FER1L6: variants seen among roughly 807,000 people sequenced by gnomAD.
FER1L6 encodes fer-1-like protein 6.
Under a neutral mutation model 219.2 loss-of-function variants are expected in FER1L6, and 177 were observed. The observed-to-expected ratio is 0.81, with a 90% confidence interval of 0.71 to 0.91. The LOEUF (loss-of-function observed/expected upper bound fraction) is 0.91. Among genes scored for constraint, FER1L6 ranks in the 40% least tolerant of loss-of-function variants. The pLI is 0.00. For synonymous variants in FER1L6, 768 were observed against 824.3 expected (o/e 0.93, Z 1.17); for missense variants, 2,153 against 2,259.9 (o/e 0.95, Z 0.96).
chr8:124,103,472 G>A (rs1008425888), intron 39 of FER1L6, among the ~76,000 whole-genome samples, 163 bp downstream of exon 39: 1 of 152,160 alleles, frequency 6.6e-6, no homozygotes, highest in African/African-American at 2.4e-5. Context: ...CTTTATAAAT[G>A]CAAGAAGACT....
At chr8:124,009,594 C>G (rs577398892) in intron 13 of FER1L6, among the ~76,000 whole-genome samples, 3 of 151,596 alleles carry the variant, frequency 2.0e-5, no homozygotes, top group African/African-American at 7.3e-5. Flanking sequence ...AACAGAAGAG[C>G]CACACAGGAG....
At chr8:123,906,286 G>A (rs1221551650) in intron 1 of FER1L6, among the ~76,000 whole-genome samples, 2 of 152,182 alleles carry the variant, frequency 1.3e-5, no homozygotes, top group Non-Finnish European at 2.9e-5. Flanking sequence ...GGGGTATGGT[G>A]TAGTAAGAAG....
chr8:124,100,369 T>A (rs1440317506), intron 37 of FER1L6, among the ~76,000 whole-genome samples: 1 of 152,140 alleles, frequency 6.6e-6, no homozygotes, highest in Non-Finnish European at 1.5e-5. Flanking sequence ...CCAAGGTACA[T>A]TTAGGCATCA....
In FER1L6 at chr8:123,875,601, T is replaced by C. The variant is rs540305738; in HGVS notation, c.-8+23416T>C. 2.6e-5 allele frequency among the ~76,000 whole-genome samples: 4 copies of C among 152,310 alleles called. No individual in the cohort carries two copies. In the South Asian group the frequency reaches 8.3e-4, roughly 32 times the overall value. ...CTCGCCTGAATTCCATATATGTATA[T>C]ACAACTGCCTATACCAGATCACCTT... On this transcript the variant is annotated intron_variant, in intron 1 of 40. Transcript: ENST00000522917.
At chr8:123,959,288 C>T (rs1295184087) in intron 2 of FER1L6, among the ~76,000 whole-genome samples, 2 of 152,190 alleles carry the variant, frequency 1.3e-5, no homozygotes, top group Non-Finnish European at 2.9e-5. Flanking sequence ...TTCCTGCATC[C>T]TCAGCATCTA....
chr8:123,914,328 G>A (rs1043665748), intron 1 of FER1L6, among the ~76,000 whole-genome samples: 3 of 152,158 alleles, frequency 2.0e-5, no homozygotes, highest in African/African-American at 7.2e-5. Context: ...ATGAGATTGA[G>A]CCTGAAAGCA....
intron 1 of FER1L6, among the ~76,000 whole-genome samples, chr8:123,936,428 A>C (rs935095062): frequency 1.4e-5 from 2 of 145,188 alleles, no homozygotes; most frequent in Admixed American, 1.4e-4. Context: ...TAGAAAGTAC[A>C]TTGACATTTT....
At chr8:123,858,839 G>A (rs1816693229) in intron 1 of FER1L6, among the ~76,000 whole-genome samples, 1 of 152,164 alleles carries the variant, frequency 6.6e-6, no homozygotes, top group Non-Finnish European at 1.5e-5. Context: ...GGATGGTAGA[G>A]GTCATTTAGG....
chr8:124,085,627 T>C (rs1821749133), intron 33 of FER1L6, among the ~76,000 whole-genome samples: 1 of 152,220 alleles, frequency 6.6e-6, no homozygotes. Flanking sequence ...TAAAGACTTG[T>C]TTTGTGGCCT....
intron 1 of FER1L6, among the ~76,000 whole-genome samples, chr8:123,880,135 T>C (rs923848144): frequency 6.6e-6 from 1 of 152,146 alleles, no homozygotes; most frequent in Non-Finnish European, 1.5e-5. Flanking sequence ...AAGAAATTCC[T>C]CGTCGGCATC....
chr8:123,974,680 A>AAAAAAAAAAAAAAAAAG (rs1362934333), intron 7 of FER1L6, among the ~76,000 whole-genome samples: 1 of 148,490 alleles, frequency 6.7e-6, no homozygotes, highest in Non-Finnish European at 1.5e-5. Flanking sequence ...AAAAAAAAAA[A>AAAAAAAAAAAAAAAAAG]AAGAAATGTG....
At chr8:124,026,538 C>T (rs752323487) in intron 18 of FER1L6, among the ~76,000 whole-genome samples, 27 of 152,078 alleles carry the variant, frequency 1.8e-4, no homozygotes, top group Non-Finnish European at 3.7e-4. Flanking sequence ...AAATCAGGCC[C>T]TACAAAGACA....
chr8:124,064,610 A>C, intron 26 of FER1L6, 37 bp downstream of exon 26: 233 of 1,583,158 alleles, frequency 1.5e-4, no homozygotes, highest in Middle Eastern at 3.3e-4. Context: ...TACAAGGCTC[A>C]TTGGAGTTTG....
At position 123,986,791 on chromosome 8, in the gene FER1L6, G is replaced by A. The variant is rs796962508; in HGVS notation, c.1519+615G>A. Among the ~76,000 whole-genome samples, 17 of 152,172 alleles carry A rather than the reference G, an allele frequency of 1.1e-4. 1 individual carries two copies. Among genetic ancestry groups the A allele is most frequent in the African/African-American group, 1.4e-4 (6 of 41,532 alleles). ...AAGTTTGTCTTTCTGTGCCTGGCTC[G>A]TTTCACTTAACATGATAACCTCCTG... On this transcript the variant is annotated intron_variant, in intron 12 of 40. Coordinates refer to ENST00000522917, the MANE Select transcript of FER1L6 (RefSeq NM_001039112.2).
intron 1 of FER1L6, among the ~76,000 whole-genome samples, chr8:123,939,004 TG>T (rs1364121108): frequency 6.6e-6 from 1 of 152,250 alleles, no homozygotes; most frequent in Non-Finnish European, 1.5e-5. Context: ...TTGCTTTTTT[TG>T]CCTGCTTTTC....
chr8:123,900,926 G>A (rs1812845121), intron 1 of FER1L6, among the ~76,000 whole-genome samples: 2 of 152,084 alleles, frequency 1.3e-5, no homozygotes, highest in African/African-American at 2.4e-5. Context: ...AAGGATTTTA[G>A]CATCTATGTT....
intron 39 of FER1L6, among the ~76,000 whole-genome samples, chr8:124,113,182 C>CA (rs1823091187): frequency 6.6e-6 from 1 of 152,070 alleles, no homozygotes; most frequent in African/African-American, 2.4e-5. Flanking sequence ...TTGTCCTCAA[C>CA]ATTTATTCAT....
intron 2 of FER1L6, among the ~76,000 whole-genome samples, chr8:123,960,269 G>A (rs1186185798): frequency 6.6e-6 from 1 of 152,144 alleles, no homozygotes; most frequent in Non-Finnish European, 1.5e-5. Flanking sequence ...GGTTTATTAG[G>A]AAGGCTCAGC....
intron 1 of FER1L6, among the ~76,000 whole-genome samples, chr8:123,885,660 C>A (rs988870072): frequency 1.2e-4 from 18 of 152,186 alleles, no homozygotes; most frequent in African/African-American, 4.3e-4. Context: ...CAGTAAGAGG[C>A]AGAGCGGGCT....
Sources: allele counts gnomAD v4.1 joint callset (sites outside exome capture counted in the v4.1 genomes callset), GRCh38; gene constraint gnomAD v4.1.1; transcripts MANE v1.5; gene names NCBI Gene and HGNC (gene_info 2026-07-23, HGNC 2026-07-21).